Variants in KIAA2012 observed in about 807,000 individuals in gnomAD.
KIAA2012 encodes the protein KIAA2012, also known as uncharacterized protein KIAA2012.
KIAA2012 carries 125 observed loss-of-function variants against 150.6 expected under a neutral mutation model. That is an observed-to-expected ratio of 0.83 (90% CI 0.72 to 0.96). The LOEUF (loss-of-function observed/expected upper bound fraction) is 0.96, where lower values mean the gene tolerates loss of function less well. Among genes scored for constraint, KIAA2012 ranks in the 40% least tolerant of loss-of-function variants. The pLI is 0.00. For synonymous variants in KIAA2012, 462 were observed against 504.7 expected (o/e 0.92, Z 1.13); for missense variants, 1,219 against 1,354.9 (o/e 0.90, Z 1.57).
intron 15 of KIAA2012, among the ~76,000 whole-genome samples, chr2:202,182,377 G>T (rs919895793): frequency 6.6e-6 from 1 of 151,868 alleles, no homozygotes; most frequent in African/African-American, 2.4e-5. Context: ...CCCCAAAAGT[G>T]CTGAGATTAC....
intron 7 of KIAA2012, among the ~76,000 whole-genome samples, chr2:202,101,955 C>A (rs935189064): frequency 6.6e-6 from 1 of 152,050 alleles, no homozygotes; most frequent in Non-Finnish European, 1.5e-5. Flanking sequence ...GGGTGTCTGA[C>A]TTCCCAGATT....
intron 4 of KIAA2012, 107 bp from the exon 5 acceptor site, chr2:202,097,328 C>T (rs1035507189): frequency 3.4e-6 from 5 of 1,491,204 alleles, no homozygotes; most frequent in Admixed American, 2.3e-5. Context: ...AAGGGAGGGC[C>T]TTGAGCACTT....
intron 2 of KIAA2012, among the ~76,000 whole-genome samples, chr2:202,086,867 C>A (rs1689583890): frequency 6.6e-6 from 1 of 152,190 alleles, no homozygotes; most frequent in Non-Finnish European, 1.5e-5. Context: ...AGTTATCAAT[C>A]CATCTTGATC....
At chr2:202,192,298 A>G (rs1186466227) in intron 19 of KIAA2012, among the ~76,000 whole-genome samples, 1 of 152,214 alleles carries the variant, frequency 6.6e-6, no homozygotes, top group Non-Finnish European at 1.5e-5. Flanking sequence ...CTTCATAGGC[A>G]TATTTCTGAG....
At chr2:202,153,246 G>A (rs2105951599) in intron 13 of KIAA2012, among the ~76,000 whole-genome samples, 1 of 152,310 alleles carries the variant, frequency 6.6e-6, no homozygotes, top group Admixed American at 6.5e-5. Flanking sequence ...GCCTTCAGGG[G>A]GCTTCCAGTC....
At chr2:202,092,063 C>T (rs1689738161) in intron 3 of KIAA2012, among the ~76,000 whole-genome samples, 1 of 152,210 alleles carries the variant, frequency 6.6e-6, no homozygotes, top group Admixed American at 6.5e-5. Context: ...GCAGGCCATT[C>T]TCCTATAGCC....
At chr2:202,171,600 C>A (rs1239743094) in intron 15 of KIAA2012, among the ~76,000 whole-genome samples, 2 of 151,954 alleles carry the variant, frequency 1.3e-5, no homozygotes, top group Non-Finnish European at 2.9e-5. Flanking sequence ...CTTTTCCTCT[C>A]TGTGGTGGCT....
intron 11 of KIAA2012, among the ~76,000 whole-genome samples, chr2:202,122,853 A>G (rs1353827357): frequency 6.6e-6 from 1 of 152,146 alleles, no homozygotes; most frequent in East Asian, 1.9e-4. Context: ...GTTGTTTCGG[A>G]AAGGGGGGCA....
At chr2:202,115,687 C>A (rs1690500320) in intron 11 of KIAA2012, 2 of 151,396 alleles carry the variant, frequency 1.3e-5, no homozygotes, top group South Asian at 4.2e-4. Context: ...ACTCCAGGTG[C>A]CACAAAGGAA....
intron 13 of KIAA2012, among the ~76,000 whole-genome samples, chr2:202,144,872 T>C (rs1054781942): frequency 6.6e-6 from 1 of 152,210 alleles, no homozygotes; most frequent in Non-Finnish European, 1.5e-5. Flanking sequence ...CCCTATCTCC[T>C]CTAAGTAGAA....
chr2:202,178,905 A>G (rs1559229847), intron 15 of KIAA2012: 1 of 207,188 alleles, frequency 4.8e-6, no homozygotes, highest in Admixed American at 5.6e-5. Flanking sequence ...CGGGGAAACC[A>G]CAAAATAACA....
chr2:202,102,747 G>A (rs1467797412), intron 7 of KIAA2012, among the ~76,000 whole-genome samples, 199 bp from the exon 8 acceptor site: 1 of 152,140 alleles, frequency 6.6e-6, no homozygotes, highest in Non-Finnish European at 1.5e-5. Context: ...TTCACAGGCA[G>A]GATTAACAGG....
At chr2:202,163,164 T>G (rs1574300303) in intron 14 of KIAA2012, among the ~76,000 whole-genome samples, 1 of 145,218 alleles carries the variant, frequency 6.9e-6, no homozygotes, top group Admixed American at 7.1e-5. Context: ...AGTGCGGTGG[T>G]GCGATCTCAG....
intron 22 of KIAA2012, chr2:202,201,522 G>A: frequency 1.2e-6 from 2 of 1,608,464 alleles, no homozygotes; most frequent in Non-Finnish European, 1.7e-6. Context: ...AATGTTGCCA[G>A]CAGTAGCCCC....
intron 14 of KIAA2012, among the ~76,000 whole-genome samples, chr2:202,161,541 C>A (rs1424205376): frequency 6.6e-6 from 1 of 152,024 alleles, no homozygotes; most frequent in Non-Finnish European, 1.5e-5. Flanking sequence ...CCGCACCAAA[C>A]TATCCCCTAA....
chr2:202,092,416 C>A (rs528559104), intron 3 of KIAA2012, among the ~76,000 whole-genome samples: 126 of 152,300 alleles, frequency 8.3e-4, no homozygotes, highest in African/African-American at 2.9e-3. Flanking sequence ...AAGCTCACAC[C>A]TTCTACAAAG....
chr2:202,171,870 G>A (rs1446829619), intron 15 of KIAA2012, among the ~76,000 whole-genome samples: 2 of 110,454 alleles, frequency 1.8e-5, no homozygotes, highest in Non-Finnish European at 3.4e-5. Flanking sequence ...TTTTTTTGGA[G>A]ACAGAGTCTT....
intron 15 of KIAA2012, among the ~76,000 whole-genome samples, chr2:202,167,039 G>A (rs1031658909): frequency 6.6e-6 from 1 of 152,056 alleles, no homozygotes; most frequent in African/African-American, 2.4e-5. Context: ...CAGGTGCGGT[G>A]GCGGGTGCCT....
intron 11 of KIAA2012, chr2:202,114,879 C>T (rs1344269204): frequency 6.1e-6 from 1 of 164,520 alleles, no homozygotes; most frequent in African/African-American, 2.4e-5. Context: ...TAAAGGCATT[C>T]ACTGCATGCT....
Sources: gnomAD v4.1 joint callset for allele counts (sites outside exome capture counted in the v4.1 genomes callset) on GRCh38, gnomAD v4.1.1 for gene constraint, MANE v1.5 for transcripts, NCBI Gene and HGNC (gene_info 2026-07-23, HGNC 2026-07-21) for gene names.